Variants in PRKG1 observed in about 807,000 individuals in gnomAD.
PRKG1 encodes cGMP-dependent protein kinase 1.
Under a neutral mutation model 88.1 loss-of-function variants are expected in PRKG1, and 35 were observed. The ratio of observed to expected loss-of-function variants is 0.40; its 90% CI spans 0.30 to 0.53. The LOEUF (loss-of-function observed/expected upper bound fraction) is 0.53, where lower values mean the gene tolerates loss of function less well. Ranked by LOEUF, PRKG1 falls within the 20% of genes least tolerant of loss-of-function variation. The probability of loss-of-function intolerance (pLI) is 0.59; values close to 1 mark genes in which losing one functional copy is unlikely to be tolerated. For synonymous variants in PRKG1, 303 were observed against 292.5 expected (o/e 1.04, Z -0.37); for missense variants, 540 against 839.8 (o/e 0.64, Z 4.41).
chr10:52,023,174 T>C (rs1208084446), intron 5 of PRKG1, among the ~76,000 whole-genome samples: 1 of 152,214 alleles, frequency 6.6e-6, no homozygotes, highest in Non-Finnish European at 1.5e-5. Flanking sequence ...GTGTTTGGTT[T>C]TCTGTCTTGT....
chr10:51,199,771 T>C (rs1174877966), intron 2 of PRKG1, among the ~76,000 whole-genome samples: 1 of 152,198 alleles, frequency 6.6e-6, no homozygotes, highest in Non-Finnish European at 1.5e-5. Context: ...CTTTCAGGTA[T>C]TGGTAATAAT....
chr10:51,970,387 C>T (rs1027838228), intron 5 of PRKG1, among the ~76,000 whole-genome samples: 1 of 151,320 alleles, frequency 6.6e-6, no homozygotes, highest in Admixed American at 6.6e-5. Flanking sequence ...AACATTTCTA[C>T]AACCTTTTTT....
intron 10 of PRKG1, chr10:52,252,725 C>T (rs1342421671): frequency 2.0e-5 from 3 of 151,828 alleles, no homozygotes; most frequent in African/African-American, 7.3e-5. Flanking sequence ...AGCCATATGC[C>T]TCACTGAATT....
rs1252618703 is a variant in PRKG1 at position 51,240,293 on chromosome 10, A to G, written c.478+86963A>G. Among the ~76,000 whole-genome samples the G allele has an allele frequency of 2.6e-5, 4 of 152,110 alleles. No homozygotes were observed. The South Asian group carries it at 6.2e-4, about 24-fold the overall frequency. On this transcript the variant is annotated intron_variant, in intron 2 of 17. Coordinates refer to ENST00000373980, the MANE Select transcript of PRKG1 (RefSeq NM_006258.4). Reference sequence around the variant, plus strand: ...CCCAACATATCCAAATTGAATATCTATTTTCCTCTCAGCATTTCTATGTTT... The same window carrying G: ...CCCAACATATCCAAATTGAATATCTGTTTTCCTCTCAGCATTTCTATGTTT...
chr10:51,910,910 G>T (rs1842202114), intron 5 of PRKG1: 1 of 152,158 alleles, frequency 6.6e-6, no homozygotes, highest in South Asian at 2.1e-4. Flanking sequence ...CTGGAGTAGG[G>T]CTATAAGAAG....
At chr10:52,273,006 GA>G (rs959331825) in intron 12 of PRKG1, among the ~76,000 whole-genome samples, 1 of 151,688 alleles carries the variant, frequency 6.6e-6, no homozygotes, top group Non-Finnish European at 1.5e-5. Flanking sequence ...CTAGTCTTAG[GA>G]AAAAGAAAAG....
intron 5 of PRKG1, among the ~76,000 whole-genome samples, chr10:51,979,410 GTT>G (rs61150252): frequency 4.3e-5 from 2 of 47,056 alleles, no homozygotes; most frequent in Non-Finnish European, 7.1e-5. Context: ...ATATTGGTCT[GTT>G]TTTTTTTTTT....
intron 2 of PRKG1, among the ~76,000 whole-genome samples, chr10:51,237,341 G>T (rs1477818717): frequency 6.6e-6 from 1 of 152,202 alleles, no homozygotes; most frequent in African/African-American, 2.4e-5. Flanking sequence ...GAATGAAAGC[G>T]CAGGGCTCTA....
chr10:51,439,011 T>A (rs12240914), intron 2 of PRKG1, among the ~76,000 whole-genome samples: 69,966 of 137,562 alleles, frequency 0.51, 16,808 homozygotes, highest in African/African-American at 0.59. Context: ...ATTTTTTTTT[T>A]TAAAAAAAAA....
intron 2 of PRKG1, among the ~76,000 whole-genome samples, chr10:51,441,942 C>T (rs929567210): frequency 1.3e-4 from 20 of 151,846 alleles, no homozygotes; most frequent in African/African-American, 4.8e-4. Flanking sequence ...CGGCATCTGT[C>T]CCTTTACTGA....
Position 51,921,776 on chromosome 10 carries a change from T to C in PRKG1, c.762+14206T>C, listed in dbSNP as rs115131419. Among the ~76,000 whole-genome samples the C allele has an allele frequency of 3.9e-3, 590 of 152,156 alleles. 6 individuals are homozygous for C. Among genetic ancestry groups the C allele is most frequent in the African/African-American group, 0.013 (546 of 41,572 alleles). On this transcript the variant is annotated intron_variant, in intron 5 of 17. Coordinates refer to ENST00000373980, the MANE Select transcript of PRKG1 (RefSeq NM_006258.4). Reference sequence around the variant, plus strand: ...TGGAATAAATACTACGTAGTCATGGTATATAATTCTTTTTAGGCATTGTTA... The same window carrying C: ...TGGAATAAATACTACGTAGTCATGGCATATAATTCTTTTTAGGCATTGTTA...
intron 10 of PRKG1, among the ~76,000 whole-genome samples, chr10:52,268,668 A>G (rs1295412171): frequency 6.6e-6 from 1 of 152,004 alleles, no homozygotes; most frequent in Admixed American, 6.6e-5. Flanking sequence ...GAAGCAGCAT[A>G]TACTGGAAAT....
chr10:51,555,567 T>C (rs10998080), intron 3 of PRKG1, among the ~76,000 whole-genome samples: 77,680 of 151,738 alleles, frequency 0.51, 20,497 homozygotes, highest in Non-Finnish European at 0.57. Flanking sequence ...GAAGTTTCTC[T>C]GCTTTATCGG....
chr10:51,500,614 A>G (rs1840996336), intron 3 of PRKG1, among the ~76,000 whole-genome samples: 1 of 152,182 alleles, frequency 6.6e-6, no homozygotes, highest in Non-Finnish European at 1.5e-5. Flanking sequence ...GAGCCTGGTT[A>G]TCTTTCAAGT....
intron 5 of PRKG1, among the ~76,000 whole-genome samples, chr10:52,013,125 G>A (rs538863376): frequency 5.3e-5 from 8 of 151,924 alleles, no homozygotes; most frequent in African/African-American, 1.9e-4. Flanking sequence ...CTTCAAGAAA[G>A]ATGGTTGGGA....
chr10:51,395,848 C>T (rs1177548450), intron 2 of PRKG1, among the ~76,000 whole-genome samples: 2 of 152,012 alleles, frequency 1.3e-5, no homozygotes, highest in Admixed American at 6.6e-5. Context: ...GCTAGATGAC[C>T]CTGTCAGTAG....
At chr10:51,166,299 C>T (rs191480406) in intron 2 of PRKG1, among the ~76,000 whole-genome samples, 33 of 151,934 alleles carry the variant, frequency 2.2e-4, no homozygotes, top group African/African-American at 5.8e-4. Flanking sequence ...GAAATATGCA[C>T]GTGCAAATGT....
intron 3 of PRKG1, among the ~76,000 whole-genome samples, chr10:51,493,682 TG>T (rs1242160734): frequency 6.6e-6 from 1 of 152,202 alleles, no homozygotes; most frequent in African/African-American, 2.4e-5. Flanking sequence ...TTTGTCAGCA[TG>T]TCAAGTTTCA....
intron 5 of PRKG1, among the ~76,000 whole-genome samples, chr10:52,053,781 C>A (rs1248883140): frequency 6.6e-6 from 1 of 152,144 alleles, no homozygotes; most frequent in Non-Finnish European, 1.5e-5. Flanking sequence ...CTCACAGATG[C>A]TGGACCAGAA....
Sources: gnomAD v4.1 joint callset for allele counts (sites outside exome capture counted in the v4.1 genomes callset) on GRCh38, gnomAD v4.1.1 for gene constraint, MANE v1.5 for transcripts, NCBI Gene and HGNC (gene_info 2026-07-23, HGNC 2026-07-21) for gene names.